Variants in APOO observed in about 807,000 individuals in gnomAD.
The protein encoded by APOO is apolipoprotein O.
A neutral mutation model predicts 23.1 loss-of-function variants in APOO; 11 were observed. The observed-to-expected ratio is 0.48, with a 90% CI of 0.30 to 0.79. The LOEUF is 0.79. Among genes scored for constraint, APOO ranks in the 30% least tolerant of loss-of-function variants. APOO has a pLI of 0.07. For synonymous variants in APOO, 59 were observed against 54.8 expected (o/e 1.08, Z -0.34); for missense variants, 160 against 142.7 (o/e 1.12, Z -0.62).
intron 5 of APOO, among the ~76,000 whole-genome samples, chrX:23,859,519 C>T (rs1033369788): frequency 9.1e-5 from 10 of 109,947 alleles, no homozygotes; most frequent in African/African-American, 3.3e-4. Context: ...TCTTGGCTCA[C>T]TGCAACCTCT....
At chrX:23,890,934 G>A (rs1476400150) in intron 1 of APOO, among the ~76,000 whole-genome samples, 1 of 111,665 alleles carries the variant, frequency 9.0e-6, no homozygotes. Flanking sequence ...ACTACTAAAT[G>A]CACCTAAAAC....
intron 4 of APOO, among the ~76,000 whole-genome samples, chrX:23,873,837 T>C (rs759565730): frequency 2.9e-4 from 32 of 111,908 alleles, no homozygotes; most frequent in African/African-American, 1.0e-3. Context: ...GGTATCTTTA[T>C]TAATTTACCA....
At chrX:23,882,340 C>A (rs1926185178) in intron 1 of APOO, among the ~76,000 whole-genome samples, 2 of 112,209 alleles carry the variant, frequency 1.8e-5, no homozygotes, top group Admixed American at 9.5e-5. Context: ...TTTTAGCTGG[C>A]ATTACGTTTT....
chrX:23,853,377 A>G (rs745410347), intron 7 of APOO, among the ~76,000 whole-genome samples: 183 of 112,004 alleles, frequency 1.6e-3, no homozygotes, highest in African/African-American at 5.5e-3. Context: ...TATATCAAGT[A>G]ATTCCTGAAA....
At chrX:23,889,906 C>A (rs1487985892) in intron 1 of APOO, among the ~76,000 whole-genome samples, 1 of 110,057 alleles carries the variant, frequency 9.1e-6, no homozygotes, top group Non-Finnish European at 1.9e-5. Context: ...CGTGATCCGC[C>A]CACCTCGGCC....
chrX:23,849,462 T>G (rs1227211106), intron 7 of APOO, among the ~76,000 whole-genome samples: 1 of 106,696 alleles, frequency 9.4e-6, no homozygotes, highest in African/African-American at 3.4e-5. Context: ...AAATGTGTAA[T>G]CAGCAAAACC....
chrX:23,907,791 TG>T lies in APOO; in HGVS notation c.-90del. The T allele has an allele frequency of 9.8e-7, 1 of 1,020,277 alleles. No individual in the cohort carries two copies. The highest frequency in any genetic ancestry group is 1.3e-6 in the Non-Finnish European group (1 of 766,743). The allele number at this position is 1,020,277 out of a possible 1,213,427, so 84.1% of individuals were successfully genotyped here. ...TGACTACGGAGGCCCGGTAGGGCCT[TG>T]ATTTCTCCAACCGCAAGCAGGCAGC... On this transcript the variant is annotated 5_prime_UTR_variant, in exon 1 of 9. Transcript: ENST00000379226.
At chrX:23,842,876 C>T (rs369408774) in intron 7 of APOO, among the ~76,000 whole-genome samples, 83 of 111,473 alleles carry the variant, frequency 7.4e-4, no homozygotes, top group African/African-American at 2.5e-3. Flanking sequence ...GGCATGGTGG[C>T]GCATGCCTGT....
intron 7 of APOO, among the ~76,000 whole-genome samples, chrX:23,853,297 C>T (rs1261044950): frequency 9.2e-6 from 1 of 108,227 alleles, no homozygotes; most frequent in Non-Finnish European, 1.9e-5. Context: ...AAACAAAAAT[C>T]CCCCTGAAGC....
At chrX:23,860,017 T>C (rs759907748) in intron 5 of APOO, among the ~76,000 whole-genome samples, 30 of 110,948 alleles carry the variant, frequency 2.7e-4, no homozygotes, top group Non-Finnish European at 5.5e-4. Context: ...GAAAAAACAT[T>C]AATAAACCCA....
At chrX:23,868,728 C>T (rs759754973) in intron 4 of APOO, 40 bp from the exon 5 acceptor site, 10 of 1,106,033 alleles carry the variant, frequency 9.0e-6, no homozygotes, top group Non-Finnish European at 1.2e-5. Context: ...CCATAAATTT[C>T]TCATTAAAAA....
intron 8 of APOO, chrX:23,837,324 C>T (rs1400883414): frequency 2.9e-5 from 22 of 767,289 alleles, no homozygotes; most frequent in Non-Finnish European, 4.1e-5. Context: ...TCTTCATTCT[C>T]GCAGTAGACG....
At chrX:23,901,626 T>C (rs892640932) in intron 1 of APOO, among the ~76,000 whole-genome samples, 2 of 111,962 alleles carry the variant, frequency 1.8e-5, no homozygotes, top group Non-Finnish European at 3.8e-5. Context: ...AAAAATACTT[T>C]TGGAGAGCCC....
intron 1 of APOO, among the ~76,000 whole-genome samples, chrX:23,889,656 G>GTTTTTT (rs138373055): frequency 1.6e-5 from 1 of 61,874 alleles, no homozygotes; most frequent in Non-Finnish European, 2.9e-5. Context: ...CTGGGGAGTT[G>GTTTTTT]TTTTTTTTTT....
At chrX:23,856,171 C>A (rs942437364) in intron 7 of APOO, 131 bp downstream of exon 7, 1 of 669,292 alleles carries the variant, frequency 1.5e-6, no homozygotes, top group African/African-American at 2.2e-5. Flanking sequence ...CCTGAAAAAT[C>A]TGAGCTGGAG....
At position 23,879,024 on chromosome X, in the gene APOO, T is replaced by C. The variant is rs766709410; in HGVS notation, c.128A>G (p.Tyr43Cys). 9 of 1,208,877 alleles carry C rather than the reference T, an allele frequency of 7.4e-6. No individual in the cohort carries two copies. In the African/African-American group the frequency reaches 1.2e-4, roughly 16 times the overall value. ...CTTCGATTGACCCTCAGGAACTGAGTAGAGTGAAAGCTGCGCACATTAAAA... is the reference window on the plus strand; with the variant it reads ...CTTCGATTGACCCTCAGGAACTGAGCAGAGTGAAAGCTGCGCACATTAAAA... Reference protein sequence around the residue: ...NSVKVDELSLYSVPEGQSKYV... With the variant: ...NSVKVDELSLCSVPEGQSKYV... Residue 43 changes from tyrosine (Y) to cysteine (C), a missense_variant, in exon 3 of 9, where the codon TAC (tyrosine) becomes TGC (cysteine). By Grantham distance (194) the Tyr-to-Cys change is radical (BLOSUM62 -2). Transcript: ENST00000379226.
chrX:23,838,279 C>A (rs1463109581), intron 8 of APOO, among the ~76,000 whole-genome samples: 28 of 85,262 alleles, frequency 3.3e-4, no homozygotes, highest in Non-Finnish European at 5.8e-4. Flanking sequence ...GACTTGAACC[C>A]GGGAGGCCTC....
In APOO at chrX:23,881,734, C is replaced by T. The variant is rs779627447; in HGVS notation, c.10-782G>A. Among the ~76,000 whole-genome samples, 8 of 100,437 alleles carry T rather than the reference C, an allele frequency of 8.0e-5. No homozygotes were observed. In the East Asian group the frequency reaches 2.5e-3, roughly 31 times the overall value. The allele number at this position is 100,437 out of a possible 115,157, so 87.2% of individuals were successfully genotyped here. A position where few individuals can be genotyped will look rare whatever the true frequency, so the allele number is the denominator to read the frequency against. ...TGGGTGGATCACCAGGTCAGGCATT[C>T]GAGACCAGCCTGGCCAACATAGTGA... On this transcript the variant is annotated intron_variant, in intron 1 of 8. Transcript: ENST00000379226.
chrX:23,840,450 T>C, intron 7 of APOO, 73 bp from the exon 8 acceptor site: 1 of 954,221 alleles, frequency 1.0e-6, no homozygotes, highest in Non-Finnish European at 1.5e-6. Flanking sequence ...TCCTGAGTAT[T>C]TGGCTGAACA....
Sources: gnomAD v4.1 joint callset for allele counts (sites outside exome capture counted in the v4.1 genomes callset) on GRCh38, gnomAD v4.1.1 for gene constraint, MANE v1.5 for transcripts, NCBI Gene and HGNC (gene_info 2026-07-23, HGNC 2026-07-21) for gene names.